Variants in WDR7 observed in about 807,000 individuals in gnomAD.
WDR7 encodes the protein WD repeat-containing protein 7.
In WDR7, 46 loss-of-function variants were observed where a neutral mutation model predicts 169.4. The observed-to-expected ratio is 0.27, with a 90% confidence interval of 0.21 to 0.35. The LOEUF is 0.35. Ranked by LOEUF, WDR7 falls within the 10% of genes least tolerant of loss-of-function variation. The pLI is 1.00. For missense variants in WDR7, 1,534 were observed against 1,859.3 expected (o/e 0.83, Z 3.22); for synonymous variants, 612 against 666.8 (o/e 0.92, Z 1.27).
intron 27 of WDR7, among the ~76,000 whole-genome samples, chr18:57,022,740 T>C (rs1208636417): frequency 6.6e-6 from 1 of 152,238 alleles, no homozygotes; most frequent in Non-Finnish European, 1.5e-5. Context: ...CTGATGGGAT[T>C]ATGGGTAACA....
intron 9 of WDR7, among the ~76,000 whole-genome samples, chr18:56,693,559 TG>T (rs2025623639): frequency 2.1e-5 from 3 of 139,738 alleles, no homozygotes; most frequent in Non-Finnish European, 4.6e-5. Flanking sequence ...TCAATTTTGT[TG>T]GTTTTTTTTT....
intron 22 of WDR7, among the ~76,000 whole-genome samples, chr18:56,924,987 A>C (rs375131440): frequency 3.3e-5 from 5 of 152,270 alleles, no homozygotes; most frequent in African/African-American, 1.2e-4. Context: ...TGTCTCTGTG[A>C]ATTTGCCTAT....
chr18:56,996,653 G>T (rs1182563139), intron 26 of WDR7, among the ~76,000 whole-genome samples: 1 of 152,132 alleles, frequency 6.6e-6, no homozygotes, highest in Non-Finnish European at 1.5e-5. Flanking sequence ...CTTTGAGGCA[G>T]TTAGTCTAAT....
chr18:56,843,453 A>C (rs547382375), intron 20 of WDR7, among the ~76,000 whole-genome samples: 2 of 152,318 alleles, frequency 1.3e-5, no homozygotes, highest in South Asian at 4.1e-4. Flanking sequence ...GGTAGTTCAT[A>C]TAAGTGGAAT....
chr18:56,888,068 G>A (rs9948840), intron 21 of WDR7, among the ~76,000 whole-genome samples: 6 of 152,194 alleles, frequency 3.9e-5, no homozygotes, highest in Admixed American at 1.3e-4. Flanking sequence ...AATTGCTAAT[G>A]TAGTTAGAGG....
chr18:56,678,780 G>A (rs1256691418), intron 2 of WDR7, among the ~76,000 whole-genome samples: 1 of 152,130 alleles, frequency 6.6e-6, no homozygotes, highest in Non-Finnish European at 1.5e-5. Context: ...CAGACATGAG[G>A]CACCGCACCC....
At chr18:56,757,917 C>A (rs571146178) in intron 15 of WDR7, among the ~76,000 whole-genome samples, 13 of 151,314 alleles carry the variant, frequency 8.6e-5, no homozygotes, top group Non-Finnish European at 1.3e-4. Flanking sequence ...TGCAGTGAGC[C>A]ACGATTGTGC....
At chr18:56,888,590 C>T (rs2046227499) in intron 21 of WDR7, among the ~76,000 whole-genome samples, 1 of 152,168 alleles carries the variant, frequency 6.6e-6, no homozygotes, top group Non-Finnish European at 1.5e-5. Flanking sequence ...GATCCTTCTG[C>T]ATTTTTATTC....
intron 26 of WDR7, among the ~76,000 whole-genome samples, chr18:56,979,657 G>T (rs543900373): frequency 9.9e-5 from 15 of 152,282 alleles, no homozygotes; most frequent in African/African-American, 3.6e-4. Context: ...TTCTTTTGCT[G>T]CAGTATCCAT....
At chr18:57,022,045 G>A (rs1424634876) in intron 27 of WDR7, among the ~76,000 whole-genome samples, 1 of 152,102 alleles carries the variant, frequency 6.6e-6, no homozygotes. Context: ...TATATCTCCA[G>A]CATCTTAATT....
chr18:56,656,326 C>G (rs561208019), intron 1 of WDR7, among the ~76,000 whole-genome samples: 1 of 148,546 alleles, frequency 6.7e-6, no homozygotes, highest in South Asian at 2.1e-4. Flanking sequence ...GTCACCCAGG[C>G]TGGAGTGCAG....
chr18:56,682,385 T>C (rs2025366163), intron 4 of WDR7, among the ~76,000 whole-genome samples: 1 of 152,196 alleles, frequency 6.6e-6, no homozygotes, highest in Non-Finnish European at 1.5e-5. Flanking sequence ...TTTTAGATGC[T>C]AGAGGGGGAT....
chr18:56,793,279 T>C (rs1015834696), intron 19 of WDR7, among the ~76,000 whole-genome samples: 5 of 152,252 alleles, frequency 3.3e-5, no homozygotes, highest in African/African-American at 9.6e-5. Context: ...TTTGTTCTTA[T>C]ATAACTGTCA....
chr18:57,020,654 G>C, intron 26 of WDR7, 91 bp from the exon 27 acceptor site: 1 of 1,172,688 alleles, frequency 8.5e-7, no homozygotes, highest in South Asian at 1.4e-5. Context: ...TACCCATGAC[G>C]TAACTTGTTC....
chr18:56,717,898 T>A, intron 12 of WDR7, 66 bp from the exon 13 acceptor site: 2 of 1,451,102 alleles, frequency 1.4e-6, no homozygotes, highest in Non-Finnish European at 1.8e-6. Context: ...CTTAAGTTAT[T>A]GAAAACAGGA....
At chr18:56,834,779 A>ATATGAAGTGC (rs1182312032) in intron 20 of WDR7, among the ~76,000 whole-genome samples, 1 of 152,212 alleles carries the variant, frequency 6.6e-6, no homozygotes, top group Non-Finnish European at 1.5e-5. Flanking sequence ...GTCAGATTTT[A>ATATGAAGTGC]TATGAAGTGC....
intron 20 of WDR7, among the ~76,000 whole-genome samples, chr18:56,841,995 A>G (rs1472943072): frequency 6.6e-6 from 1 of 152,168 alleles, no homozygotes; most frequent in African/African-American, 2.4e-5. Context: ...CCTCTTTTTC[A>G]GGAGCCTAGA....
chr18:56,954,527 C>T (rs1471675235), intron 25 of WDR7, among the ~76,000 whole-genome samples: 1 of 152,036 alleles, frequency 6.6e-6, no homozygotes, highest in Non-Finnish European at 1.5e-5. Context: ...GATCAATATT[C>T]ATACCTATAC....
At chr18:56,705,469 A>G (rs2025927743) in intron 12 of WDR7, among the ~76,000 whole-genome samples, 1 of 152,154 alleles carries the variant, frequency 6.6e-6, no homozygotes, top group Admixed American at 6.5e-5. Flanking sequence ...AAGGAAGGTC[A>G]ATATATATGA....
Sources: allele counts gnomAD v4.1 joint callset (sites outside exome capture counted in the v4.1 genomes callset), GRCh38; gene constraint gnomAD v4.1.1; transcripts MANE v1.5; gene names NCBI Gene and HGNC (gene_info 2026-07-23, HGNC 2026-07-21).